The following NUCB2 variants were observed in gnomAD, a reference collection of about 807,000 sequenced individuals.
NUCB2 encodes nucleobindin 2.
NUCB2 carries 48 observed loss-of-function variants against 57.9 expected under a neutral mutation model. That is an observed-to-expected ratio of 0.83 (90% CI 0.66 to 1.05). The LOEUF is 1.05. Ranked by LOEUF, NUCB2 falls within the 50% of genes least tolerant of loss-of-function variation. The pLI, the probability that NUCB2 is intolerant of heterozygous loss-of-function variation, is 0.00. For missense variants in NUCB2, 442 were observed against 476.2 expected (o/e 0.93, Z 0.67); for synonymous variants, 139 against 152.1 (o/e 0.91, Z 0.64).
chr11:17,277,587 C>G (rs1941602862), intron 1 of NUCB2, among the ~76,000 whole-genome samples: 1 of 152,168 alleles, frequency 6.6e-6, no homozygotes, highest in African/African-American at 2.4e-5. Flanking sequence ...TCTTGAAATT[C>G]TATGTCTGCT....
At chr11:17,316,911 A>G (rs1288033182) in intron 11 of NUCB2, among the ~76,000 whole-genome samples, 4 of 152,256 alleles carry the variant, frequency 2.6e-5, no homozygotes, top group Non-Finnish European at 4.4e-5. Flanking sequence ...CTAAAGCCAG[A>G]CATTTCTGGG....
chr11:17,335,633 C>T (rs1951741856), downstream of NUCB2, among the ~76,000 whole-genome samples: 1 of 152,112 alleles, frequency 6.6e-6, no homozygotes, highest in Admixed American at 6.6e-5. Context: ...TCCCAAGTAG[C>T]TGGGATTACA....
chr11:17,327,347 C>T (rs1010387143), intron 11 of NUCB2, among the ~76,000 whole-genome samples: 1 of 152,174 alleles, frequency 6.6e-6, no homozygotes, highest in Non-Finnish European at 1.5e-5. Flanking sequence ...AGGTGTGAGC[C>T]ACTACGCCTC....
At chr11:17,306,987 G>T (rs1274547556) in intron 5 of NUCB2, among the ~76,000 whole-genome samples, 2 of 152,042 alleles carry the variant, frequency 1.3e-5, no homozygotes, top group African/African-American at 4.8e-5. Context: ...CATTGGTTCA[G>T]TATGAATTGA....
chr11:17,311,243 T>A lies in NUCB2; in HGVS notation c.720T>A (p.Asp240Glu). 1 of 1,611,244 alleles carries A rather than the reference T, an allele frequency of 6.2e-7. No homozygotes were observed. Among genetic ancestry groups the A allele is most frequent in the Non-Finnish European group, 8.5e-7 (1 of 1,179,010 alleles). The change falls in exon 8 of 14, where the codon GAT becomes GAA. Residue 240 changes from aspartate (D) to glutamate (E), a missense_variant. By Grantham distance (45) the Asp-to-Glu change is conservative. Coordinates refer to ENST00000529010, the MANE Select transcript of NUCB2 (RefSeq NM_005013.4). ...TATGGGAAGAGACTGATGGATTGGA[T>A]CCTAATGACTTTGACCCCAAGACAT... ...KEVWEETDGL[D>E]PNDFDPKTFF...
At chr11:17,290,301 G>A (rs1216871992) in intron 2 of NUCB2, among the ~76,000 whole-genome samples, 2 of 152,162 alleles carry the variant, frequency 1.3e-5, no homozygotes, top group Non-Finnish European at 2.9e-5. Context: ...CACCAACAAT[G>A]CAAAAACTCA....
intron 7 of NUCB2, 38 bp from the exon 8 acceptor site, chr11:17,311,155 T>C (rs559310213): frequency 1.8e-5 from 27 of 1,518,414 alleles, no homozygotes; most frequent in Middle Eastern, 1.7e-4. Flanking sequence ...AGATAGATTA[T>C]ATTTTGTTTT....
intron 2 of NUCB2, among the ~76,000 whole-genome samples, chr11:17,346,908 A>G (rs755283527): frequency 2.0e-5 from 3 of 152,184 alleles, no homozygotes; most frequent in Non-Finnish European, 4.4e-5. Context: ...ATTTTGAAAA[A>G]AAATTAAATC....
chr11:17,282,019 A>G (rs1357062663), intron 1 of NUCB2, among the ~76,000 whole-genome samples: 7 of 151,644 alleles, frequency 4.6e-5, no homozygotes, highest in Non-Finnish European at 1.0e-4. Flanking sequence ...AACAAAGTTA[A>G]TTTTTTTAAA....
chr11:17,349,883 T>A (rs1159306420), exon 3 of NUCB2: 1 of 152,208 alleles, frequency 6.6e-6, no homozygotes. Context: ...ATGCAATGTG[T>A]CATAAAAATG....
At position 17,298,091 on chromosome 11, in the gene NUCB2, A is replaced by G. The variant is rs1363320609; in HGVS notation, c.252+1880A>G. On this transcript the variant is annotated intron_variant, in intron 4 of 13. Coordinates refer to ENST00000529010, the MANE Select transcript of NUCB2 (RefSeq NM_005013.4). ...AGTGAGACTTCGTCTCAAAAAAAAA[A>G]AAAAAAAAAAAGGGGGGCCGGGGCA... Among the ~76,000 whole-genome samples, 26 of 151,940 alleles carry G rather than the reference A, an allele frequency of 1.7e-4. No homozygotes were observed. In the East Asian group the frequency reaches 4.8e-3, roughly 28 times the overall value.
Position 17,330,097 on chromosome 11 carries a change from A to T in NUCB2, c.1003-30A>T, listed in dbSNP as rs1951199724. The T allele has an allele frequency of 8.1e-7, 1 of 1,231,454 alleles. No individual in the cohort carries two copies. The highest frequency in any genetic ancestry group is 1.1e-6 in the Non-Finnish European group (1 of 882,450). The allele number at this position is 1,231,454 out of a possible 1,614,324, so 76.3% of individuals were successfully genotyped here. ...CAGACTTTATTGTTGTAGTTTTGAGATTATTCTTTCCTCATTTTTTTTCTT... is the reference window on the plus strand; with the variant it reads ...CAGACTTTATTGTTGTAGTTTTGAGTTTATTCTTTCCTCATTTTTTTTCTT... On this transcript the variant is annotated intron_variant, in intron 11 of 13. Coordinates refer to ENST00000529010, the MANE Select transcript of NUCB2 (RefSeq NM_005013.4). The surrounding 1 kb of genome is among the most constrained non-coding windows in gnomAD (Gnocchi z 4.3).
At position 17,330,790 on chromosome 11, in the gene NUCB2, A is replaced by G. The variant is rs1951297329; in HGVS notation, c.1174-112A>G. Reference sequence around the variant, plus strand: ...AGTCAAATCTAAATCTTATAGTTTGAATATCTTTGTTTTAGAAAACAATTT... The same window carrying G: ...AGTCAAATCTAAATCTTATAGTTTGGATATCTTTGTTTTAGAAAACAATTT... On this transcript the variant is annotated intron_variant, in intron 12 of 13. Transcript: ENST00000529010. This position sits in a 1 kb window ranked among gnomAD's most constrained non-coding sequence, Gnocchi z 4.3. The G allele has an allele frequency of 1.3e-6, 1 of 745,076 alleles. No homozygotes were observed. The highest frequency in any genetic ancestry group is 2.4e-6 in the Non-Finnish European group (1 of 421,312). 46.2% of individuals were successfully genotyped at this position (745,076 alleles called of 1,614,324 possible).
chr11:17,294,678 TAAAAA>T lies in NUCB2; in HGVS notation c.1-627_1-623del, dbSNP rs34406631. ...GTTCTGTGGGTAAAACGTGTTGCCTTAAAAAAAAAAAAAAAAAAAAAAAGCCATGG... is the reference window on the plus strand; with the variant it reads ...GTTCTGTGGGTAAAACGTGTTGCCTTAAAAAAAAAAAAAAAAAAGCCATGG... On this transcript the variant is annotated intron_variant, in intron 2 of 13. Transcript: ENST00000529010. Among the ~76,000 whole-genome samples the T allele has an allele frequency of 7.7e-3, 787 of 102,642 alleles. 16 individuals carry two copies. Among genetic ancestry groups the T allele is most frequent in the African/African-American group, 0.028 (749 of 26,718 alleles). 67.3% of individuals were successfully genotyped at this position (102,642 alleles called of 152,430 possible).
At chr11:17,329,795 A>C (rs976358404) in intron 11 of NUCB2, among the ~76,000 whole-genome samples, 6 of 152,188 alleles carry the variant, frequency 3.9e-5, no homozygotes, top group Admixed American at 3.3e-4. Context: ...GTGTGCAGAC[A>C]GCTGTTAAAA....
At chr11:17,298,122 T>C (rs1229199996) in intron 4 of NUCB2, among the ~76,000 whole-genome samples, 1 of 150,436 alleles carries the variant, frequency 6.6e-6, no homozygotes, top group Non-Finnish European at 1.5e-5. Context: ...GGGCAGTAGT[T>C]CACACGTGTA....
At chr11:17,300,682 C>T (rs963821871) in intron 4 of NUCB2, among the ~76,000 whole-genome samples, 2 of 152,038 alleles carry the variant, frequency 1.3e-5, no homozygotes, top group Admixed American at 6.6e-5. Context: ...AGTTGATGGA[C>T]GTTTAGGTTT....
intron 11 of NUCB2, among the ~76,000 whole-genome samples, chr11:17,323,716 G>A (rs958052845): frequency 6.6e-6 from 1 of 152,084 alleles, no homozygotes; most frequent in African/African-American, 2.4e-5. Flanking sequence ...TTTTTTTGCT[G>A]GGTGACTTTT....
chr11:17,322,625 C>T (rs1016002792), intron 11 of NUCB2, among the ~76,000 whole-genome samples: 1 of 152,058 alleles, frequency 6.6e-6, no homozygotes, highest in African/African-American at 2.4e-5. Context: ...TGAAAAATGT[C>T]ATTGGGTATT....
Sources: gnomAD v4.1 joint callset for allele counts (sites outside exome capture counted in the v4.1 genomes callset) on GRCh38, gnomAD v4.1.1 for gene constraint, Gnocchi (gnomAD v3.1) non-coding constraint, MANE v1.5 for transcripts, NCBI Gene and HGNC (gene_info 2026-07-23, HGNC 2026-07-21) for gene names.